MMP2: variants seen among roughly 807,000 people sequenced by gnomAD.
The protein encoded by MMP2 is 72 kDa type IV collagenase.
MMP2 carries 39 observed loss-of-function variants against 74.8 expected under a neutral mutation model. That is an observed-to-expected ratio of 0.52 (90% CI 0.40 to 0.68). MMP2 has a LOEUF of 0.68. Among genes scored for constraint, MMP2 ranks in the 30% least tolerant of loss-of-function variants. The pLI is 0.00. For missense variants in MMP2, 803 were observed against 878.3 expected (o/e 0.91, Z 1.08); for synonymous variants, 367 against 339.8 (o/e 1.08, Z -0.88).
At chr16:55,496,396 G>T (rs867644425) in intron 9 of MMP2, among the ~76,000 whole-genome samples, 3 of 152,054 alleles carry the variant, frequency 2.0e-5, no homozygotes, top group Middle Eastern at 3.4e-3. Flanking sequence ...CATCCAGAGT[G>T]CATGCTGTCT....
chr16:55,493,307 C>T lies in MMP2; in HGVS notation c.1472+14C>T, dbSNP rs772648580. On this transcript the variant is annotated intron_variant, in intron 9 of 12. Transcript: ENST00000219070. ...CTTCAAGGACCGGTGAGTGCAGGAG[C>T]TTGCTTCTTGTCCTCCTTGTCTCCT... The T allele has an allele frequency of 3.8e-5, 62 of 1,614,028 alleles. No homozygotes were observed. The highest frequency in any genetic ancestry group is 4.9e-5 in the Non-Finnish European group (58 of 1,180,020).
intron 11 of MMP2, among the ~76,000 whole-genome samples, chr16:55,499,822 G>C (rs1487645769): frequency 6.6e-6 from 1 of 151,766 alleles, no homozygotes; most frequent in Non-Finnish European, 1.5e-5. Context: ...GGAAAGAGTG[G>C]TCGGGGCACA....
In MMP2 at chr16:55,493,043, C is replaced by T. The variant is rs1052373056; in HGVS notation, c.1337-115C>T. 6.1e-6 allele frequency: 8 copies of T among 1,307,194 alleles called. No individual in the cohort carries two copies. In the African/African-American group the frequency reaches 1.0e-4, roughly 17 times the overall value. 81.0% of individuals were successfully genotyped at this position (1,307,194 alleles called of 1,614,324 possible). A position where few individuals can be genotyped will look rare whatever the true frequency, so the allele number is the denominator to read the frequency against. ...TTACCTTACGGAGCTTACACTAAGG[C>T]CAGAAGGCGATTTCTTCTGACTCTT... On this transcript the variant is annotated intron_variant, in intron 8 of 12. Coordinates refer to ENST00000219070, the MANE Select transcript of MMP2 (RefSeq NM_004530.6).
At chr16:55,501,767 G>C (rs1240614782) in intron 11 of MMP2, among the ~76,000 whole-genome samples, 1 of 151,966 alleles carries the variant, frequency 6.6e-6, no homozygotes, top group East Asian at 1.9e-4. Context: ...AAGGAAGGGA[G>C]CCCCCTAGGA....
At chr16:55,481,973 A>G (rs1962117190) in intron 1 of MMP2, 2 of 593,224 alleles carry the variant, frequency 3.4e-6, no homozygotes, top group South Asian at 4.7e-5. Flanking sequence ...CAACAAGGCT[A>G]GGACCGTTGT....
intron 9 of MMP2, among the ~76,000 whole-genome samples, chr16:55,495,125 A>C (rs559309807): frequency 3.3e-5 from 5 of 152,236 alleles, no homozygotes; most frequent in Non-Finnish European, 7.3e-5. Context: ...GATGAGACTT[A>C]GAATGTAGTG....
chr16:55,489,772 G>A lies in MMP2; in HGVS notation c.1128G>A (p.Ala376=), dbSNP rs768234184. Residue 376 remains alanine (A), a synonymous_variant, in exon 7 of 13, where the codon GCG becomes GCA. Coordinates refer to ENST00000219070, the MANE Select transcript of MMP2 (RefSeq NM_004530.6). ...AGRSDGKMWC[A]TTANYDDDRK... is the part of the protein sequence containing the mutation. ...GCAGTGACGGAAAGATGTGGTGTGCGACCACAGCCAACTACGATGATGACC... is the reference window on the plus strand; with the variant it reads ...GCAGTGACGGAAAGATGTGGTGTGCAACCACAGCCAACTACGATGATGACC... 15 of 1,614,036 alleles carry A rather than the reference G, an allele frequency of 9.3e-6. No individual in the cohort carries two copies. Among genetic ancestry groups the A allele is most frequent in the Middle Eastern group, 1.6e-4 (1 of 6,084 alleles).
At chr16:55,495,423 A>G (rs865903499) in intron 9 of MMP2, among the ~76,000 whole-genome samples, 5 of 152,210 alleles carry the variant, frequency 3.3e-5, no homozygotes, top group Admixed American at 2.6e-4. Flanking sequence ...ACCAGTAAAT[A>G]TTAAACTTCA....
At chr16:55,505,126 A>T (rs1962766844) in intron 12 of MMP2, among the ~76,000 whole-genome samples, 1 of 151,626 alleles carries the variant, frequency 6.6e-6, no homozygotes, top group East Asian at 2.0e-4. Context: ...TAATTTAAAT[A>T]TGTTTTTCGT....
chr16:55,484,114 CTCGAATCCAT>C lies in MMP2; in HGVS notation c.480_489del (p.Arg161MetfsTer7). ...AGCGATGTGACCCCACTGCGGTTTT[CTCGAATCCAT>C]GATGGAGAGGCAGACATCATGATCA... On this transcript the variant is annotated frameshift_variant, in exon 3 of 13. Coordinates refer to ENST00000219070, the MANE Select transcript of MMP2 (RefSeq NM_004530.6). LOFTEE classifies it high-confidence loss of function. The C allele has an allele frequency of 6.2e-7, 1 of 1,614,186 alleles. No individual in the cohort carries two copies. Among genetic ancestry groups the C allele is most frequent in the South Asian group, 1.1e-5 (1 of 91,088 alleles).
Position 55,498,349 on chromosome 16 carries a change from C to T in MMP2, c.1670C>T (p.Thr557Ile), listed in dbSNP as rs779640817. ...GAGCGAGGGTACCCCAAGCCACTGA[C>T]CAGCCTGGGACTGCCCCCTGATGTC... Reference protein sequence around the residue: ...TLERGYPKPLTSLGLPPDVQR... With the variant: ...TLERGYPKPLISLGLPPDVQR... The change falls in exon 11 of 13, where the codon ACC becomes ATC. Residue 557 changes from threonine to isoleucine, a missense_variant. Coordinates refer to ENST00000219070, the MANE Select transcript of MMP2 (RefSeq NM_004530.6). 7 of 1,614,138 alleles carry T rather than the reference C, an allele frequency of 4.3e-6. No homozygotes were observed. The African/African-American group carries it at 8.0e-5, about 18-fold the overall frequency.
At chr16:55,486,339 G>GTGCC (rs1367733238) in intron 5 of MMP2, among the ~76,000 whole-genome samples, 39 of 101,114 alleles carry the variant, frequency 3.9e-4, no homozygotes, top group South Asian at 2.9e-3. Flanking sequence ...GTGTGTGTGT[G>GTGCC]TGTGTGCCTG....
intron 1 of MMP2, 132 bp from the exon 2 acceptor site, chr16:55,482,777 T>C: frequency 1.3e-6 from 1 of 781,556 alleles, no homozygotes; most frequent in Non-Finnish European, 2.2e-6. Flanking sequence ...CACCCAGTGC[T>C]CTGGGACCCC....
chr16:55,483,159 G>A, intron 2 of MMP2, 24 bp downstream of exon 2: 1 of 1,594,340 alleles, frequency 6.3e-7, no homozygotes, highest in Non-Finnish European at 8.6e-7. Context: ...GCTTGGGGAG[G>A]CAGGGCCATG....
chr16:55,479,978 CGGGG>C, intron 1 of MMP2: 1 of 124,940 alleles, frequency 8.0e-6, no homozygotes, highest in East Asian at 2.7e-4. Context: ...GGACATTTGG[CGGGG>C]GGGGGGGGCG....
At position 55,505,454 on chromosome 16, in the gene MMP2, C is replaced by G; in HGVS notation, c.*12C>G. The G allele has an allele frequency of 6.2e-7, 1 of 1,609,636 alleles. No individual in the cohort carries two copies. ...GGCTAGGCTGCTGAGCTGGCCCTGG[C>G]TCCCACAGGCCCTTCCTCTCCACTG... On this transcript the variant is annotated 3_prime_UTR_variant, in exon 13 of 13. Transcript: ENST00000219070.
intron 5 of MMP2, chr16:55,488,025 G>C (rs1359029275): frequency 4.8e-6 from 1 of 206,206 alleles, no homozygotes; most frequent in African/African-American, 2.3e-5. Flanking sequence ...GAGAGATTGA[G>C]ATTAGTGTGT....
chr16:55,485,218 G>A lies in MMP2; in HGVS notation c.530-81G>A, dbSNP rs1962211080. 4 of 1,582,664 alleles carry A rather than the reference G, an allele frequency of 2.5e-6. No individual in the cohort carries two copies. The East Asian group carries it at 6.7e-5, about 27-fold the overall frequency. On this transcript the variant is annotated intron_variant, in intron 3 of 12. Transcript: ENST00000219070. Reference sequence around the variant, plus strand: ...GGACAGATGCTGGGTGGGCTGACAGGCTCCACATGTAGATGGGGTGTGGAG... The same window carrying A: ...GGACAGATGCTGGGTGGGCTGACAGACTCCACATGTAGATGGGGTGTGGAG...
chr16:55,485,203 T>C, intron 3 of MMP2, 96 bp from the exon 4 acceptor site: 1 of 1,561,540 alleles, frequency 6.4e-7, no homozygotes, highest in Non-Finnish European at 8.8e-7. Context: ...GGACAGATGC[T>C]GGGTGGGCTG....
Sources: gnomAD v4.1 joint callset for allele counts (sites outside exome capture counted in the v4.1 genomes callset) on GRCh38, gnomAD v4.1.1 for gene constraint, MANE v1.5 for transcripts, NCBI Gene and HGNC (gene_info 2026-07-23, HGNC 2026-07-21) for gene names.